Variants in REPS1 observed in about 807,000 individuals in gnomAD.
REPS1 encodes the protein ralBP1-associated Eps domain-containing protein 1.
In REPS1, 39 loss-of-function variants were observed where a neutral mutation model predicts 100.9. The ratio of observed to expected loss-of-function variants is 0.39; its 90% CI spans 0.30 to 0.50. The LOEUF (loss-of-function observed/expected upper bound fraction) is 0.50. REPS1 is among the 20% of genes least tolerant of loss of function. REPS1 has a pLI of 0.86. For missense variants in REPS1, 821 were observed against 968.5 expected (o/e 0.85, Z 2.02); for synonymous variants, 324 against 340.3 (o/e 0.95, Z 0.53).
chr6:138,931,219 T>A (rs192040763), intron 8 of REPS1, among the ~76,000 whole-genome samples: 1 of 152,340 alleles, frequency 6.6e-6, no homozygotes, highest in Admixed American at 6.5e-5. Context: ...TAGACATCCA[T>A]ATAATATAAG....
intron 1 of REPS1, among the ~76,000 whole-genome samples, chr6:138,967,510 G>C (rs1443758125): frequency 6.6e-6 from 1 of 152,178 alleles, no homozygotes; most frequent in East Asian, 1.9e-4. Flanking sequence ...CCCTCGATCT[G>C]CTGGGATTTA....
chr6:138,964,433 A>G (rs1783905551), intron 1 of REPS1, among the ~76,000 whole-genome samples: 1 of 152,128 alleles, frequency 6.6e-6, no homozygotes, highest in African/African-American at 2.4e-5. Flanking sequence ...TTCATCATAG[A>G]AGAATTACTA....
chr6:138,942,464 CAG>C (rs1267572103), intron 7 of REPS1, among the ~76,000 whole-genome samples: 2 of 152,034 alleles, frequency 1.3e-5, no homozygotes, highest in African/African-American at 4.8e-5. Context: ...ATTTTTGAGA[CAG>C]AGTCTCACTC....
chr6:138,926,092 C>T lies in REPS1; in HGVS notation c.1338+309G>A, dbSNP rs969986694. Among the ~76,000 whole-genome samples, 11 of 152,204 alleles carry T rather than the reference C, an allele frequency of 7.2e-5. No individual in the cohort carries two copies. In the East Asian group the frequency reaches 1.9e-3, roughly 27 times the overall value. ...TAAAGAGTCACTACACTGAAATAAA[C>T]AGTATGTATATAAAATATACACTTA... On this transcript the variant is annotated intron_variant, in intron 10 of 19. Coordinates refer to ENST00000450536, the MANE Select transcript of REPS1 (RefSeq NM_001286611.2).
chr6:138,957,447 C>T (rs1356995996), intron 1 of REPS1, among the ~76,000 whole-genome samples: 2 of 152,120 alleles, frequency 1.3e-5, no homozygotes, highest in Non-Finnish European at 2.9e-5. Context: ...CTATCAAGAT[C>T]ATGGAAAGAA....
chr6:138,986,944 G>A (rs1416822772), intron 1 of REPS1, among the ~76,000 whole-genome samples: 1 of 152,132 alleles, frequency 6.6e-6, no homozygotes, highest in Admixed American at 6.5e-5. Flanking sequence ...ACATTGTTCA[G>A]TCTCATCACA....
intron 1 of REPS1, among the ~76,000 whole-genome samples, chr6:138,953,140 T>C (rs1008177936): frequency 3.3e-5 from 5 of 152,088 alleles, no homozygotes; most frequent in African/African-American, 9.7e-5. Context: ...CCAAATTATA[T>C]ATTTTATGAA....
chr6:138,909,076 TCA>T (rs1283582382), intron 17 of REPS1, among the ~76,000 whole-genome samples: 7 of 152,198 alleles, frequency 4.6e-5, no homozygotes, highest in Non-Finnish European at 7.4e-5. Flanking sequence ...ACTGTAATAT[TCA>T]CAGTTTTAAC....
chr6:138,921,191 AAAAC>A (rs978097733), intron 10 of REPS1, 67 bp from the exon 11 acceptor site: 1 of 1,028,526 alleles, frequency 9.7e-7, no homozygotes, highest in Non-Finnish European at 1.5e-6. Context: ...TGCAATAATC[AAAAC>A]AAACAAAACT....
chr6:138,945,518 T>G lies in REPS1; in HGVS notation c.457A>C (p.Thr153Pro), dbSNP rs1302620102. ...GTGATTACCTGTGCATCTGCAGATG[T>G]ACGAGGCTGAACCGTATCATGGCTT... Reference protein sequence around the residue: ...SVSHDTVQPRTSADAQEPASP... With the variant: ...SVSHDTVQPRPSADAQEPASP... The change falls in exon 3 of 20, where the codon ACA becomes CCA. Residue 153 changes from threonine (T) to proline (P), a missense_variant. Thr to Pro is a conservative substitution (Grantham distance 38). Around this residue, in one of 3 missense-constraint regions of REPS1, gnomAD observed 757 missense variants for 866.4 expected, o/e 0.87. Coordinates refer to ENST00000450536, the MANE Select transcript of REPS1 (RefSeq NM_001286611.2). 3 of 1,605,800 alleles carry G rather than the reference T, an allele frequency of 1.9e-6. No homozygotes were observed. The African/African-American group carries it at 4.0e-5, about 22-fold the overall frequency.
At chr6:138,914,636 T>TA (rs1780232723) in intron 15 of REPS1, 61 bp downstream of exon 15, 4 of 1,324,516 alleles carry the variant, frequency 3.0e-6, no homozygotes. Flanking sequence ...AGAATAGAAT[T>TA]AAATACCTAG....
intron 5 of REPS1, 112 bp from the exon 6 acceptor site, chr6:138,944,127 A>C: frequency 1.0e-6 from 1 of 992,700 alleles, no homozygotes; most frequent in Non-Finnish European, 1.5e-6. Flanking sequence ...TGTATATTTA[A>C]AATGTAAAAC....
At chr6:138,928,195 A>G (rs1349810609) in intron 9 of REPS1, 2 of 152,160 alleles carry the variant, frequency 1.3e-5, no homozygotes, top group Non-Finnish European at 2.9e-5. Context: ...TCTACCTCAT[A>G]AGATTGTTCA....
chr6:138,930,719 TAAC>T (rs1047950540), intron 8 of REPS1, among the ~76,000 whole-genome samples: 8 of 152,110 alleles, frequency 5.3e-5, no homozygotes, highest in African/African-American at 1.9e-4. Flanking sequence ...TCTCCCTTGT[TAAC>T]AAAAAAACAG....
chr6:138,929,014 T>G (rs539295672), intron 9 of REPS1: 1 of 152,280 alleles, frequency 6.6e-6, no homozygotes, highest in Admixed American at 6.5e-5. Flanking sequence ...TTTCCAACTG[T>G]CCAAAATTAT....
chr6:138,943,991 C>A lies in REPS1; in HGVS notation c.778G>T (p.Ala260Ser). ...ATTTCAATGGCAGTTGTAGCTGATG[C>A]TACAGTTCGTACTGTTGTCTGGTCC... ...VQDQTTVRTV[A>S]SATTAIEIRR... is the part of the protein sequence containing the mutation. The change falls in exon 6 of 20, where the codon GCA becomes TCA. Residue 260 changes from alanine to serine, a missense_variant. Physicochemically the swap from Ala to Ser is moderately conservative, Grantham distance 99. Transcript: ENST00000450536. The A allele has an allele frequency of 6.2e-7, 1 of 1,613,916 alleles. No homozygotes were observed. Among genetic ancestry groups the A allele is most frequent in the Non-Finnish European group, 8.5e-7 (1 of 1,179,900 alleles).
Position 138,988,014 on chromosome 6 carries a change from C to G in REPS1, c.-332G>C, listed in dbSNP as rs1051413077. On this transcript the variant is annotated 5_prime_UTR_variant, in exon 1 of 20. Coordinates refer to ENST00000450536, the MANE Select transcript of REPS1 (RefSeq NM_001286611.2). ...GGGCCGCGGAGGCGCGAGGCACTGGCGGACTCCGCCCCCGCCGCGGGTTCG... is the reference window on the plus strand; with the variant it reads ...GGGCCGCGGAGGCGCGAGGCACTGGGGGACTCCGCCCCCGCCGCGGGTTCG... The G allele has an allele frequency of 2.5e-6, 1 of 395,914 alleles. No homozygotes were observed. Among genetic ancestry groups the G allele is most frequent in the Non-Finnish European group, 4.5e-6 (1 of 224,352 alleles). 24.5% of individuals were successfully genotyped at this position (395,914 alleles called of 1,614,324 possible).
At position 138,904,234 on chromosome 6, in the gene REPS1, G is replaced by GA. The variant is rs1779504069; in HGVS notation, c.*829dup. 6.6e-6 allele frequency: 1 copy of GA among 152,084 alleles called. No individual in the cohort carries two copies. The highest frequency in any genetic ancestry group is 6.6e-5 in the Admixed American group (1 of 15,256). The allele number at this position is 152,084 out of a possible 1,614,324, so 9.4% of individuals were successfully genotyped here. A position where few individuals can be genotyped will look rare whatever the true frequency, so the allele number is the denominator to read the frequency against. On this transcript the variant is annotated 3_prime_UTR_variant, in exon 20 of 20. Coordinates refer to ENST00000450536, the MANE Select transcript of REPS1 (RefSeq NM_001286611.2). The stretch of plus-strand genomic sequence containing the variant: ...GCATACTCCAGAAACTCATTAATAG[G>GA]AAAAACTTGTCTGTATAGCAAAAGA...
chr6:138,923,338 G>A (rs2128447978), intron 10 of REPS1, among the ~76,000 whole-genome samples: 1 of 152,222 alleles, frequency 6.6e-6, no homozygotes, highest in East Asian at 1.9e-4. Context: ...GATAGTTCAT[G>A]AGAAAATAAG....
Sources: gnomAD v4.1 joint callset for allele counts (sites outside exome capture counted in the v4.1 genomes callset) on GRCh38, gnomAD v4.1.1 for gene constraint, gnomAD v4.1.1 regional missense constraint, MANE v1.5 for transcripts, NCBI Gene and HGNC (gene_info 2026-07-23, HGNC 2026-07-21) for gene names.